The following UBXN2B variants were observed in gnomAD, a reference collection of about 807,000 sequenced individuals.
UBXN2B encodes UBX domain-containing protein 2B.
A neutral mutation model predicts 37.5 loss-of-function variants in UBXN2B; 19 were observed. That is an observed-to-expected ratio of 0.51 (90% CI 0.35 to 0.74). The LOEUF is 0.74. Among genes scored for constraint, UBXN2B ranks in the 30% least tolerant of loss-of-function variants. UBXN2B has a pLI of 0.01. For synonymous variants in UBXN2B, 145 were observed against 143.8 expected, an observed-to-expected ratio of 1.01 and a Z score of -0.06; for missense variants, 370 against 393.2, an observed-to-expected ratio of 0.94 and a Z score of 0.50.
chr8:58,420,517 A>G (rs565827762), intron 2 of UBXN2B, among the ~76,000 whole-genome samples: 22 of 152,350 alleles, frequency 1.4e-4, no homozygotes, highest in African/African-American at 5.1e-4. Context: ...AGATTTATCA[A>G]TAAAATATTA....
At chr8:58,424,537 G>A (rs1374687141) in intron 2 of UBXN2B, 32 of 840,338 alleles carry the variant, frequency 3.8e-5, no homozygotes. Flanking sequence ...TCTTTTTAGG[G>A]AGAGAGTGAA....
At chr8:58,443,413 A>C (rs1228200951) in intron 6 of UBXN2B, among the ~76,000 whole-genome samples, 1 of 152,126 alleles carries the variant, frequency 6.6e-6, no homozygotes, top group East Asian at 1.9e-4. Context: ...TTAATGTAAA[A>C]GTTTTACTAT....
At chr8:58,439,858 AAAC>A in intron 6 of UBXN2B, 88 bp downstream of exon 6, 1 of 1,360,852 alleles carries the variant, frequency 7.3e-7, no homozygotes, top group Non-Finnish European at 9.9e-7. Flanking sequence ...ATGAAGTAAA[AAAC>A]AAAAATATGA....
In UBXN2B at chr8:58,430,543, C is replaced by G. The variant is rs2129604168; in HGVS notation, c.213C>G (p.Tyr71Ter). The change falls in exon 3 of 8, where the codon TAC (tyrosine) becomes TAG (stop). Residue 71 changes from tyrosine to a stop codon, truncating the protein, a stop_gained. Transcript: ENST00000399598. LOFTEE classifies it high-confidence loss of function. ...PQRFYSSEHE[Y>*]SGLNIVRPST... ...GGTTTTACTCAAGTGAACATGAATACAGTGGATTAAATATAGTTCGACCTT... is the reference window on the plus strand; with the variant it reads ...GGTTTTACTCAAGTGAACATGAATAGAGTGGATTAAATATAGTTCGACCTT... 6.3e-7 allele frequency: 1 copy of G among 1,594,252 alleles called. No individual in the cohort carries two copies. The highest frequency in any genetic ancestry group is 8.5e-7 in the Non-Finnish European group (1 of 1,169,682).
chr8:58,431,488 T>A (rs1216270965), intron 3 of UBXN2B, among the ~76,000 whole-genome samples: 3 of 152,242 alleles, frequency 2.0e-5, no homozygotes, highest in Admixed American at 6.5e-5. Flanking sequence ...GATATTTTAG[T>A]TGCCAGCTTT....
At chr8:58,424,137 T>C (rs1324027538) in intron 2 of UBXN2B, among the ~76,000 whole-genome samples, 1 of 152,058 alleles carries the variant, frequency 6.6e-6, no homozygotes, top group Non-Finnish European at 1.5e-5. Flanking sequence ...GTTCTCACTT[T>C]TCTAAGATGT....
At chr8:58,421,085 C>A (rs1411966889) in intron 2 of UBXN2B, among the ~76,000 whole-genome samples, 1 of 152,158 alleles carries the variant, frequency 6.6e-6, no homozygotes, top group Non-Finnish European at 1.5e-5. Flanking sequence ...CTTTCCACAT[C>A]CCCCTGAACT....
chr8:58,414,080 T>C (rs1807711337), intron 1 of UBXN2B, among the ~76,000 whole-genome samples: 1 of 152,196 alleles, frequency 6.6e-6, no homozygotes, highest in African/African-American at 2.4e-5. Flanking sequence ...GGATTGGATT[T>C]GTTAGGATGG....
chr8:58,447,272 G>A lies in UBXN2B; in HGVS notation c.834-117G>A, dbSNP rs1184659243. The A allele has an allele frequency of 8.4e-6, 8 of 952,104 alleles. No homozygotes were observed. In the Admixed American group the frequency reaches 2.3e-4, roughly 28 times the overall value. The allele number at this position is 952,104 out of a possible 1,614,324, so 59.0% of individuals were successfully genotyped here. Reference sequence around the variant, plus strand: ...ATTGAAATACTATATATTAAAGAAAGTTACAACACCTTTATATAAAGATTA... The same window carrying A: ...ATTGAAATACTATATATTAAAGAAAATTACAACACCTTTATATAAAGATTA... On this transcript the variant is annotated intron_variant, in intron 7 of 7. Coordinates refer to ENST00000399598, the MANE Select transcript of UBXN2B (RefSeq NM_001077619.2).
intron 5 of UBXN2B, among the ~76,000 whole-genome samples, chr8:58,437,655 T>G (rs1808448596): frequency 6.6e-6 from 1 of 152,060 alleles, no homozygotes; most frequent in African/African-American, 2.4e-5. Context: ...AGCAGAACAT[T>G]CAAGAGGCTT....
chr8:58,413,667 G>GGA (rs534427194), intron 1 of UBXN2B, among the ~76,000 whole-genome samples: 7 of 152,172 alleles, frequency 4.6e-5, no homozygotes, highest in Middle Eastern at 3.4e-3. Context: ...GAATCAGGAG[G>GGA]GAGTGTTCCA....
chr8:58,425,396 T>G lies in UBXN2B; in HGVS notation c.189-5123T>G, dbSNP rs1808055348. 3 of 1,133,100 alleles carry G rather than the reference T, an allele frequency of 2.6e-6. No homozygotes were observed. The Admixed American group carries it at 5.1e-5, about 19-fold the overall frequency. 70.2% of individuals were successfully genotyped at this position (1,133,100 alleles called of 1,614,324 possible). A position where few individuals can be genotyped will look rare whatever the true frequency, so the allele number is the denominator to read the frequency against. ...AGGCAGCCTTGTGTGGCAATGTAAC[T>G]CTTCTTGGGCTTTGAATTGTTACAC... On this transcript the variant is annotated intron_variant, in intron 2 of 7. Transcript: ENST00000399598.
At chr8:58,411,506 G>T in intron 1 of UBXN2B, 37 bp downstream of exon 1, 1 of 1,245,168 alleles carries the variant, frequency 8.0e-7, no homozygotes, top group Non-Finnish European at 1.0e-6. Flanking sequence ...CGCGGCGGTG[G>T]ACGCGGGCTG....
intron 3 of UBXN2B, among the ~76,000 whole-genome samples, chr8:58,432,469 G>A (rs555946010): frequency 3.4e-4 from 45 of 131,590 alleles, no homozygotes; most frequent in African/African-American, 1.2e-3. Flanking sequence ...TGCAAGCTCC[G>A]CCTCCCGGGT....
At position 58,439,729 on chromosome 8, in the gene UBXN2B, G is replaced by A. The variant is rs755048909; in HGVS notation, c.630G>A (p.Leu210=). ...HQDQEYIKPR[L]RFKAFSGEGQ... Reference sequence around the variant, plus strand: ...ATCAAGAATACATAAAACCTAGATTGAGGTTCAAGGCTTTTAGTGGAGAAG... The same window carrying A: ...ATCAAGAATACATAAAACCTAGATTAAGGTTCAAGGCTTTTAGTGGAGAAG... The change falls in exon 6 of 8, where the codon TTG becomes TTA. Residue 210 remains leucine (L), a synonymous_variant. Transcript: ENST00000399598. The A allele has an allele frequency of 5.3e-5, 86 of 1,607,650 alleles. No homozygotes were observed. The highest frequency in any genetic ancestry group is 7.0e-5 in the Non-Finnish European group (82 of 1,177,320).
chr8:58,411,673 G>T (rs1807643081), intron 1 of UBXN2B, among the ~76,000 whole-genome samples: 1 of 152,208 alleles, frequency 6.6e-6, no homozygotes, highest in African/African-American at 2.4e-5. Flanking sequence ...CTCCAGCGCT[G>T]GTGCTTTGTC....
chr8:58,441,693 T>C (rs926651585), intron 6 of UBXN2B, among the ~76,000 whole-genome samples: 1 of 152,052 alleles, frequency 6.6e-6, no homozygotes, highest in Admixed American at 6.5e-5. Context: ...TATTATCTGA[T>C]GATAGTATTC....
At position 58,426,567 on chromosome 8, in the gene UBXN2B, T is replaced by G. The variant is rs541605343; in HGVS notation, c.189-3952T>G. The G allele has an allele frequency of 6.6e-6, 5 of 753,262 alleles. No homozygotes were observed. The African/African-American group carries it at 8.5e-5, about 13-fold the overall frequency. The allele number at this position is 753,262 out of a possible 1,614,324, so 46.7% of individuals were successfully genotyped here. The stretch of plus-strand genomic sequence containing the variant: ...ATTTCTTCTAACAAAAAGTGTGAAG[T>G]CTCCAGGGTTACTTTTACTAGGCCT... On this transcript the variant is annotated intron_variant, in intron 2 of 7. Transcript: ENST00000399598.
At chr8:58,434,587 G>A (rs1808366685) in intron 5 of UBXN2B, 83 bp downstream of exon 5, 5 of 1,060,658 alleles carry the variant, frequency 4.7e-6, no homozygotes, top group South Asian at 4.0e-5. Flanking sequence ...AGTGCACTAC[G>A]GGTTTTCAAG....
Sources: gnomAD v4.1 joint callset for allele counts (sites outside exome capture counted in the v4.1 genomes callset) on GRCh38, gnomAD v4.1.1 for gene constraint, MANE v1.5 for transcripts, NCBI Gene and HGNC (gene_info 2026-07-23, HGNC 2026-07-21) for gene names.